The following DPP10 variants were observed in gnomAD, a reference collection of about 807,000 sequenced individuals.
DPP10 encodes dipeptidyl peptidase like 10, also known as inactive dipeptidyl peptidase 10.
Under a neutral mutation model 120.9 loss-of-function variants are expected in DPP10, and 33 were observed. The observed-to-expected ratio is 0.27, with a 90% confidence interval of 0.21 to 0.37. The LOEUF (loss-of-function observed/expected upper bound fraction) is 0.37, where lower values mean the gene tolerates loss of function less well. Among genes scored for constraint, DPP10 ranks in the 10% least tolerant of loss-of-function variants. The probability of loss-of-function intolerance (pLI) is 1.00; values close to 1 mark genes in which losing one functional copy is unlikely to be tolerated. For missense variants in DPP10, 816 were observed against 942.8 expected (o/e 0.87, Z 1.76); for synonymous variants, 337 against 326.1 (o/e 1.03, Z -0.36).
chr2:115,365,316 G>C (rs967782063), intron 3 of DPP10, among the ~76,000 whole-genome samples: 1 of 151,988 alleles, frequency 6.6e-6, no homozygotes, highest in East Asian at 1.9e-4. Flanking sequence ...CAAACATGGA[G>C]ACTTTTAAAA....
chr2:114,767,457 T>C (rs1680839061), intron 1 of DPP10, among the ~76,000 whole-genome samples: 1 of 151,864 alleles, frequency 6.6e-6, no homozygotes, highest in Non-Finnish European at 1.5e-5. Flanking sequence ...ATGAATGATA[T>C]GAATCCACAG....
chr2:115,299,048 G>A (rs1293567819), intron 1 of DPP10, among the ~76,000 whole-genome samples: 2 of 151,988 alleles, frequency 1.3e-5, no homozygotes, highest in Admixed American at 1.3e-4. Flanking sequence ...GATATGTATG[G>A]AGGATGTTTT....
At chr2:114,809,767 A>G (rs75335650) in intron 1 of DPP10, among the ~76,000 whole-genome samples, 2,017 of 152,208 alleles carry the variant, frequency 0.013, 42 homozygotes, top group African/African-American at 0.04. Context: ...CTCAGAGTCT[A>G]TTCAATGGAT....
intron 5 of DPP10, among the ~76,000 whole-genome samples, chr2:115,626,249 A>G (rs2149300151): frequency 6.6e-6 from 1 of 152,094 alleles, no homozygotes; most frequent in African/African-American, 2.4e-5. Flanking sequence ...AAAAGGATGA[A>G]AAAATCAGTT....
At chr2:115,148,844 A>G (rs1007132328) in intron 1 of DPP10, among the ~76,000 whole-genome samples, 1 of 152,172 alleles carries the variant, frequency 6.6e-6, no homozygotes, top group Non-Finnish European at 1.5e-5. Flanking sequence ...CTCTGTCTCC[A>G]AAAATAACCA....
intron 19 of DPP10, among the ~76,000 whole-genome samples, chr2:115,796,926 A>G (rs901859005): frequency 1.3e-5 from 2 of 151,894 alleles, no homozygotes; most frequent in Non-Finnish European, 1.5e-5. Context: ...TTATATATCT[A>G]TTTTCTGTAT....
chr2:114,889,680 A>G (rs1234020477), intron 1 of DPP10, among the ~76,000 whole-genome samples: 1 of 136,670 alleles, frequency 7.3e-6, no homozygotes, highest in Non-Finnish European at 1.6e-5. Context: ...GCTGTATCAG[A>G]AAAAAAATGG....
At chr2:114,980,214 C>T (rs1472479373) in intron 1 of DPP10, among the ~76,000 whole-genome samples, 1 of 152,080 alleles carries the variant, frequency 6.6e-6, no homozygotes, top group Non-Finnish European at 1.5e-5. Flanking sequence ...ATTCCTCAAT[C>T]AGACAGCCTA....
chr2:114,865,428 T>A, intron 1 of DPP10, among the ~76,000 whole-genome samples: 1 of 152,220 alleles, frequency 6.6e-6, no homozygotes, highest in Admixed American at 6.5e-5. Context: ...AATTCATAAA[T>A]AAATCTATTA....
chr2:114,882,671 A>T lies in DPP10; in HGVS notation c.61-426568A>T, dbSNP rs147344682. On this transcript the variant is annotated intron_variant, in intron 1 of 25. Coordinates refer to ENST00000410059, the MANE Select transcript of DPP10 (RefSeq NM_020868.6). ...TAAACAGAAAACCCCTGTACCCCAA[A>T]AACAATTAAATAAAAAAATATGAAT... Among the ~76,000 whole-genome samples the T allele has an allele frequency of 1.7e-4, 26 of 152,270 alleles. No individual in the cohort carries two copies. The East Asian group carries it at 4.8e-3, about 28-fold the overall frequency.
intron 1 of DPP10, among the ~76,000 whole-genome samples, chr2:114,582,304 C>T (rs1464522844): frequency 6.6e-6 from 1 of 152,122 alleles, no homozygotes; most frequent in Non-Finnish European, 1.5e-5. Context: ...AATAATATTC[C>T]ATTGTCTAGG....
At chr2:114,682,066 G>A (rs1699063171) in intron 1 of DPP10, among the ~76,000 whole-genome samples, 1 of 151,872 alleles carries the variant, frequency 6.6e-6, no homozygotes, top group South Asian at 2.1e-4. Context: ...TGAAAATTAA[G>A]GCACAAGTCC....
intron 1 of DPP10, among the ~76,000 whole-genome samples, chr2:114,907,786 A>G (rs1694082927): frequency 6.6e-6 from 1 of 152,182 alleles, no homozygotes; most frequent in Admixed American, 6.5e-5. Context: ...TTCGGTGTTC[A>G]GTACGTATCT....
At chr2:114,573,101 G>A (rs1558894390) in intron 1 of DPP10, among the ~76,000 whole-genome samples, 1 of 152,096 alleles carries the variant, frequency 6.6e-6, no homozygotes, top group African/African-American at 2.4e-5. Flanking sequence ...TCCCACCTCA[G>A]CCTTTCAAGT....
At chr2:115,804,234 G>C (rs1003470442) in intron 19 of DPP10, among the ~76,000 whole-genome samples, 1 of 152,110 alleles carries the variant, frequency 6.6e-6, no homozygotes, top group Non-Finnish European at 1.5e-5. Context: ...GGTTACTGAG[G>C]CTTGTGCATT....
intron 1 of DPP10, among the ~76,000 whole-genome samples, chr2:114,810,163 T>C (rs1262505533): frequency 6.6e-6 from 1 of 152,214 alleles, no homozygotes; most frequent in Non-Finnish European, 1.5e-5. Flanking sequence ...CTTAAATATT[T>C]TTCCACCGTT....
intron 1 of DPP10, among the ~76,000 whole-genome samples, chr2:114,799,384 T>C (rs1683997824): frequency 2.0e-5 from 3 of 152,176 alleles, no homozygotes; most frequent in Admixed American, 2.0e-4. Flanking sequence ...GGATCATACC[T>C]TAACTATTCA....
chr2:115,591,750 T>G (rs1357279157), intron 5 of DPP10, among the ~76,000 whole-genome samples: 1 of 152,228 alleles, frequency 6.6e-6, no homozygotes, highest in African/African-American at 2.4e-5. Context: ...TTGGGCAGTA[T>G]GGCCATTTTC....
intron 1 of DPP10, among the ~76,000 whole-genome samples, chr2:115,246,691 G>T (rs1046416821): frequency 6.6e-6 from 1 of 152,138 alleles, no homozygotes; most frequent in African/African-American, 2.4e-5. Flanking sequence ...GACACACACA[G>T]ATGTTGTTGG....
Sources: allele counts gnomAD v4.1 joint callset (sites outside exome capture counted in the v4.1 genomes callset), GRCh38; gene constraint gnomAD v4.1.1; transcripts MANE v1.5; gene names NCBI Gene and HGNC (gene_info 2026-07-23, HGNC 2026-07-21).